HOXC4: variants seen among roughly 807,000 people sequenced by gnomAD.
HOXC4 encodes homeobox C4.
HOXC4 carries 15 observed loss-of-function variants against 25.5 expected under a neutral mutation model. The ratio of observed to expected loss-of-function variants is 0.59; its 90% confidence interval spans 0.39 to 0.91. The LOEUF is 0.91. HOXC4 is among the 40% of genes least tolerant of loss of function. The pLI is 0.00. For synonymous variants in HOXC4, 165 were observed against 148.0 expected, an observed-to-expected ratio of 1.11 and a Z score of -0.83; for missense variants, 342 against 352.4, an observed-to-expected ratio of 0.97 and a Z score of 0.24.
chr12:54,054,355 A>G lies in HOXC4; in HGVS notation c.433A>G (p.Ser145Gly), dbSNP rs1331616390. 1.3e-6 allele frequency: 2 copies of G among 1,545,018 alleles called. No individual in the cohort carries two copies. The highest frequency in any genetic ancestry group is 1.7e-6 in the Non-Finnish European group (2 of 1,148,732). The change falls in exon 1 of 2, where the codon AGC (serine) becomes GGC (glycine). Residue 145 changes from serine to glycine, a missense_variant. Coordinates refer to ENST00000430889, the MANE Select transcript of HOXC4 (RefSeq NM_153633.3). ...CCCATGGATGAAAAAAATTCACGTTAGCACGGGTAGGCAACTTTGCTTTTT... is the reference window on the plus strand; with the variant it reads ...CCCATGGATGAAAAAAATTCACGTTGGCACGGGTAGGCAACTTTGCTTTTT... ...VYPWMKKIHVSTVNPNYNGGE... is the reference protein window; with the variant it reads ...VYPWMKKIHVGTVNPNYNGGE...
chr12:54,028,989 A>T (rs1940859013), intron 1 of HOXC4: 1 of 1,471,716 alleles, frequency 6.8e-7, no homozygotes, highest in African/African-American at 1.4e-5. Flanking sequence ...CTTCCCTAGA[A>T]GAACGGGCGG....
At chr12:54,041,977 C>CTTTTTTTTTTTTT (rs796328359) in intron 1 of HOXC4, among the ~76,000 whole-genome samples, 1 of 116,710 alleles carries the variant, frequency 8.6e-6, no homozygotes, top group Non-Finnish European at 1.7e-5. Context: ...CTTTTCTTTT[C>CTTTTTTTTTTTTT]TTTTTTTTTT....
intron 1 of HOXC4, among the ~76,000 whole-genome samples, chr12:54,044,326 G>C (rs1391546394): frequency 1.3e-5 from 2 of 152,020 alleles, no homozygotes; most frequent in Non-Finnish European, 2.9e-5. Flanking sequence ...TTTTTAAAAG[G>C]CTAATTGGTG....
At chr12:54,021,941 T>G (rs1268675386) in intron 1 of HOXC4, 1 of 152,226 alleles carries the variant, frequency 6.6e-6, no homozygotes, top group East Asian at 1.9e-4. Flanking sequence ...CCTCACAAGC[T>G]CCTGCATTCT....
intron 1 of HOXC4, among the ~76,000 whole-genome samples, chr12:54,039,209 G>A (rs1941232573): frequency 6.6e-6 from 1 of 152,164 alleles, no homozygotes; most frequent in Non-Finnish European, 1.5e-5. Context: ...CCTTCCAGAA[G>A]GGGAGCATGC....
At chr12:54,048,563 C>T (rs1042975209) in intron 1 of HOXC4, among the ~76,000 whole-genome samples, 1 of 152,128 alleles carries the variant, frequency 6.6e-6, no homozygotes, top group South Asian at 2.1e-4. Flanking sequence ...AGAGGTGACC[C>T]GACCAAGTCC....
chr12:54,032,002 C>G (rs1941004759), intron 1 of HOXC4, among the ~76,000 whole-genome samples: 1 of 152,218 alleles, frequency 6.6e-6, no homozygotes, highest in African/African-American at 2.4e-5. Context: ...CTCTGCCATG[C>G]TCACGTAATA....
At position 54,054,313 on chromosome 12, in the gene HOXC4, AAGCAACCCAT is replaced by A; in HGVS notation, c.394_403del (p.Gln132SerfsTer5). ...CGACCATCCCTCCAGCGCCGCCAGCAAGCAACCCATAGTCTACCCATGGATGAAAAAAATT... is the reference window on the plus strand; with the variant it reads ...CGACCATCCCTCCAGCGCCGCCAGCAAGTCTACCCATGGATGAAAAAAATT... On this transcript the variant is annotated frameshift_variant, in exon 1 of 2. Coordinates refer to ENST00000430889, the MANE Select transcript of HOXC4 (RefSeq NM_153633.3). LOFTEE classifies it high-confidence loss of function. 1 of 1,579,546 alleles carries A rather than the reference AAGCAACCCAT, an allele frequency of 6.3e-7. No homozygotes were observed. The highest frequency in any genetic ancestry group is 8.6e-7 in the Non-Finnish European group (1 of 1,164,156).
rs777406162 is a variant in HOXC4, at chr12:54,054,901, C to G, written c.491C>G (p.Thr164Ser). ...CCCAAGCGCTCGAGGACAGCCTATA[C>G]CCGGCAGCAAGTCCTGGAATTAGAG... ...GEPKRSRTAY[T>S]RQQVLELEKE... is the part of the protein sequence containing the mutation. The change falls in exon 2 of 2, where the codon ACC (threonine) becomes AGC (serine). Residue 164 changes from threonine (T) to serine (S), a missense_variant. Physicochemically the swap from Thr to Ser is moderately conservative, Grantham distance 58. Transcript: ENST00000430889. The G allele has an allele frequency of 6.2e-7, 1 of 1,614,034 alleles. No homozygotes were observed. Among genetic ancestry groups the G allele is most frequent in the Non-Finnish European group, 8.5e-7 (1 of 1,179,994 alleles).
chr12:54,049,256 A>G (rs1385934978), upstream of HOXC4, among the ~76,000 whole-genome samples: 1 of 152,248 alleles, frequency 6.6e-6, no homozygotes, highest in African/African-American at 2.4e-5. Flanking sequence ...GCCATTTGCG[A>G]AGAGACAAAT....
intron 1 of HOXC4, chr12:54,034,163 C>T: frequency 2.9e-6 from 3 of 1,021,244 alleles, no homozygotes; most frequent in East Asian, 2.4e-5. Context: ...GCCTGTCTTG[C>T]GGCTCTCGCC....
intron 1 of HOXC4, among the ~76,000 whole-genome samples, chr12:54,043,266 T>G (rs1465445723): frequency 2.0e-5 from 3 of 152,218 alleles, no homozygotes; most frequent in African/African-American, 7.2e-5. Context: ...GAGAAAGTTC[T>G]ACAGTGATCT....
At chr12:54,032,890 G>C (rs1346353338) in intron 1 of HOXC4, 11 of 390,794 alleles carry the variant, frequency 2.8e-5, no homozygotes, top group Non-Finnish European at 5.0e-5. Flanking sequence ...GCTTTTCGCC[G>C]GCTTCCATCA....
At chr12:54,043,518 A>G (rs1941308108) in intron 1 of HOXC4, among the ~76,000 whole-genome samples, 1 of 152,114 alleles carries the variant, frequency 6.6e-6, no homozygotes, top group African/African-American at 2.4e-5. Flanking sequence ...CATGGAACCA[A>G]CTTCCCACTC....
chr12:54,037,563 G>A (rs1051324400), intron 1 of HOXC4, among the ~76,000 whole-genome samples: 2 of 152,226 alleles, frequency 1.3e-5, no homozygotes, highest in Admixed American at 6.5e-5. Context: ...CGACCTCGAA[G>A]GCGACAGGTC....
At chr12:54,053,572 C>T, upstream of HOXC4, 1 of 263,734 alleles carries the variant, frequency 3.8e-6, no homozygotes, top group South Asian at 4.9e-5. Flanking sequence ...TCCCGACAGT[C>T]CCCCAATGCC....
intron 1 of HOXC4, among the ~76,000 whole-genome samples, chr12:54,048,482 C>G (rs1437688147): frequency 6.6e-6 from 1 of 152,172 alleles, no homozygotes; most frequent in African/African-American, 2.4e-5. Flanking sequence ...TTCCTTGGCT[C>G]TCTCCAGTTT....
intron 1 of HOXC4, among the ~76,000 whole-genome samples, chr12:54,038,399 G>A (rs1389390555): frequency 6.6e-6 from 1 of 152,222 alleles, no homozygotes; most frequent in African/African-American, 2.4e-5. Flanking sequence ...AAATGCCTCT[G>A]GGGCCCACTG....
intron 1 of HOXC4, among the ~76,000 whole-genome samples, chr12:54,032,566 T>C (rs1411341678): frequency 6.6e-6 from 1 of 152,236 alleles, no homozygotes; most frequent in Non-Finnish European, 1.5e-5. Flanking sequence ...AACGGGACTT[T>C]CATTACAAAA....
Sources: gnomAD v4.1 joint callset for allele counts (sites outside exome capture counted in the v4.1 genomes callset) on GRCh38, gnomAD v4.1.1 for gene constraint, MANE v1.5 for transcripts, NCBI Gene and HGNC (gene_info 2026-07-23, HGNC 2026-07-21) for gene names.